Variants in CYFIP2 observed in about 807,000 individuals in gnomAD.
CYFIP2 encodes the protein cytoplasmic FMR1 interacting protein 2.
CYFIP2 carries 29 observed loss-of-function variants against 158.7 expected under a neutral mutation model. The ratio of observed to expected loss-of-function variants is 0.18; its 90% CI spans 0.14 to 0.25. The LOEUF (loss-of-function observed/expected upper bound fraction) is 0.25, where lower values mean the gene tolerates loss of function less well. Ranked by LOEUF, CYFIP2 falls within the 10% of genes least tolerant of loss-of-function variation. The probability of loss-of-function intolerance (pLI) is 1.00; values close to 1 mark genes in which losing one functional copy is unlikely to be tolerated. For missense variants in CYFIP2, 852 were observed against 1,639.5 expected, an observed-to-expected ratio of 0.52 and a Z score of 8.29; for synonymous variants, 585 against 617.6, an observed-to-expected ratio of 0.95 and a Z score of 0.78.
intron 6 of CYFIP2, among the ~76,000 whole-genome samples, chr5:157,301,139 TCAGTTCCC>T (rs1159092233): frequency 6.6e-6 from 1 of 152,206 alleles, no homozygotes; most frequent in Non-Finnish European, 1.5e-5. Context: ...AATCAAACCC[TCAGTTCCC>T]CCATCTCTGG....
chr5:157,340,422 G>A (rs1018628559), intron 22 of CYFIP2, among the ~76,000 whole-genome samples: 1 of 152,192 alleles, frequency 6.6e-6, no homozygotes, highest in Non-Finnish European at 1.5e-5. Flanking sequence ...CTTGAGCAGG[G>A]AGCAGCAAAC....
chr5:157,342,157 A>G (rs1268726036), intron 23 of CYFIP2: 1 of 152,632 alleles, frequency 6.6e-6, no homozygotes, highest in Non-Finnish European at 1.5e-5. Flanking sequence ...ATTTAATATT[A>G]TCTTGTTTTC....
In CYFIP2 at chr5:157,383,424, C is replaced by T. The variant is rs553814982; in HGVS notation, c.3207+65C>T. On this transcript the variant is annotated intron_variant, in intron 28 of 30. Transcript: ENST00000620254. The stretch of plus-strand genomic sequence containing the variant: ...AGGAACTTGAGAGCATTTGACCAAA[C>T]CCCCTCATTGTACAGGTCAGGAAAC... 7.4e-5 allele frequency: 107 copies of T among 1,440,108 alleles called. No homozygotes were observed. In the South Asian group the frequency reaches 1.2e-3, roughly 16 times the overall value. 89.2% of individuals were successfully genotyped at this position (1,440,108 alleles called of 1,614,324 possible).
chr5:157,331,829 T>G (rs1266668399), intron 20 of CYFIP2, among the ~76,000 whole-genome samples: 1 of 152,098 alleles, frequency 6.6e-6, no homozygotes, highest in African/African-American at 2.4e-5. Context: ...AAAAGAGAAG[T>G]TGAAAAATAA....
At chr5:157,323,815 A>G in intron 15 of CYFIP2, 106 bp from the exon 16 acceptor site, 1 of 1,262,208 alleles carries the variant, frequency 7.9e-7, no homozygotes, top group Non-Finnish European at 1.0e-6. Flanking sequence ...TTTTAAGAGC[A>G]GACATCTGCA....
At chr5:157,279,167 T>C (rs1289173524) in intron 1 of CYFIP2, among the ~76,000 whole-genome samples, 2 of 152,244 alleles carry the variant, frequency 1.3e-5, no homozygotes. Flanking sequence ...GCTGTAGTTA[T>C]ATAATCAAAA....
At chr5:157,383,410 A>G in intron 28 of CYFIP2, 51 bp downstream of exon 28, 1 of 1,532,700 alleles carries the variant, frequency 6.5e-7, no homozygotes, top group Non-Finnish European at 9.0e-7. Flanking sequence ...GGAACTTGAG[A>G]GCATTTGACC....
chr5:157,289,406 A>C (rs1757649376), intron 3 of CYFIP2, among the ~76,000 whole-genome samples: 1 of 152,236 alleles, frequency 6.6e-6, no homozygotes, highest in Non-Finnish European at 1.5e-5. Context: ...TGGATACCTT[A>C]ACAAAGTGCC....
Position 157,304,764 on chromosome 5 carries a change from C to CG in CYFIP2, c.795+398_795+399insG, listed in dbSNP as rs1554109797. 3.4e-3 allele frequency: 532 copies of CG among 157,760 alleles called. 1 individual carries two copies. The highest frequency in any genetic ancestry group is 5.0e-3 in the Non-Finnish European group (358 of 71,972). 9.8% of individuals were successfully genotyped at this position (157,760 alleles called of 1,614,324 possible). Reference sequence around the variant, plus strand: ...GCTCAAAGGGAAAAACAGAATAAATCTTTTTTTTTATTTCAATAGTTTTTG... The same window carrying CG: ...GCTCAAAGGGAAAAACAGAATAAATCGTTTTTTTTTATTTCAATAGTTTTTG... On this transcript the variant is annotated intron_variant, in intron 8 of 30. Coordinates refer to ENST00000620254, the MANE Select transcript of CYFIP2 (RefSeq NM_001037333.3).
chr5:157,330,373 A>G (rs57123286), intron 19 of CYFIP2, among the ~76,000 whole-genome samples: 34,755 of 151,784 alleles, frequency 0.23, 4,557 homozygotes, highest in African/African-American at 0.35. Flanking sequence ...TTGTGTTTAT[A>G]TTATCAGTCT....
intron 23 of CYFIP2, among the ~76,000 whole-genome samples, chr5:157,352,951 C>T (rs1348602563): frequency 1.3e-5 from 2 of 152,196 alleles, no homozygotes; most frequent in Non-Finnish European, 2.9e-5. Flanking sequence ...GGTGCAGCTG[C>T]AAGCCCGGGA....
Position 157,266,567 on chromosome 5 carries a change from C to T in CYFIP2, c.-24+372C>T. 6.6e-6 allele frequency: 1 copy of T among 152,522 alleles called. No individual in the cohort carries two copies. The highest frequency in any genetic ancestry group is 1.5e-5 in the Non-Finnish European group (1 of 68,228). 9.4% of individuals were successfully genotyped at this position (152,522 alleles called of 1,614,324 possible). A position where few individuals can be genotyped will look rare whatever the true frequency, so the allele number is the denominator to read the frequency against. ...GCAGCGGCCGCGAGCCCGGCAGCGG[C>T]GACATCCTCGAGTCCAGGTACTGCA... On this transcript the variant is annotated intron_variant, in intron 1 of 30. Coordinates refer to ENST00000620254, the MANE Select transcript of CYFIP2 (RefSeq NM_001037333.3). This position sits in a 1 kb window ranked among gnomAD's most constrained non-coding sequence, Gnocchi z 4.2.
In CYFIP2 at chr5:157,309,850, A is replaced by G. The variant is rs1192758006; in HGVS notation, c.992+16A>G. 1 of 1,574,858 alleles carries G rather than the reference A, an allele frequency of 6.3e-7. No homozygotes were observed. The highest frequency in any genetic ancestry group is 8.6e-7 in the Non-Finnish European group (1 of 1,159,964). On this transcript the variant is annotated intron_variant, in intron 10 of 30. Coordinates refer to ENST00000620254, the MANE Select transcript of CYFIP2 (RefSeq NM_001037333.3). The stretch of plus-strand genomic sequence containing the variant: ...ACAAGTCCAAGTGAGTGCCTGCCGT[A>G]ATGTCTCTCGGCTCCCGCAAGGATG...
intron 26 of CYFIP2, among the ~76,000 whole-genome samples, chr5:157,377,215 T>C (rs1440942290): frequency 1.3e-5 from 2 of 152,040 alleles, no homozygotes; most frequent in Non-Finnish European, 2.9e-5. Flanking sequence ...ACCATCAGGA[T>C]AATGTCTAGA....
intron 20 of CYFIP2, among the ~76,000 whole-genome samples, chr5:157,331,982 A>G (rs1165596910): frequency 6.6e-6 from 1 of 152,232 alleles, no homozygotes; most frequent in Non-Finnish European, 1.5e-5. Flanking sequence ...TATATTTTCC[A>G]TTCTGTAATC....
chr5:157,357,130 C>T (rs1332571438), intron 23 of CYFIP2, among the ~76,000 whole-genome samples: 1 of 152,182 alleles, frequency 6.6e-6, no homozygotes, highest in Non-Finnish European at 1.5e-5. Context: ...TAGGCATGAG[C>T]TCACCAAGAG....
chr5:157,368,752 G>C (rs562111134), intron 26 of CYFIP2, among the ~76,000 whole-genome samples: 178 of 150,858 alleles, frequency 1.2e-3, no homozygotes, highest in African/African-American at 4.2e-3. Context: ...ACAAGACCAA[G>C]AGCCCCATGA....
intron 30 of CYFIP2, among the ~76,000 whole-genome samples, chr5:157,390,995 C>CA (rs1022758621): frequency 4.6e-5 from 7 of 152,036 alleles, no homozygotes; most frequent in African/African-American, 1.4e-4. Flanking sequence ...GTACGGGGCA[C>CA]CTGGATGGGA....
chr5:157,333,157 C>T (rs923988216), intron 20 of CYFIP2, among the ~76,000 whole-genome samples, 170 bp from the exon 21 acceptor site: 5 of 152,154 alleles, frequency 3.3e-5, no homozygotes, highest in Admixed American at 6.6e-5. Context: ...ATAAACTTCC[C>T]GAGGCTCCAC....
Sources: gnomAD v4.1 joint callset for allele counts (sites outside exome capture counted in the v4.1 genomes callset) on GRCh38, gnomAD v4.1.1 for gene constraint, Gnocchi (gnomAD v3.1) non-coding constraint, MANE v1.5 for transcripts, NCBI Gene and HGNC (gene_info 2026-07-23, HGNC 2026-07-21) for gene names.